Variants in LDLRAD4 observed in about 807,000 individuals in gnomAD.
The protein encoded by LDLRAD4 is low density lipoprotein receptor class A domain containing 4, also known as low-density lipoprotein receptor class A domain-containing protein 4.
In LDLRAD4, 5 loss-of-function variants were observed where a neutral mutation model predicts 17.0. The ratio of observed to expected loss-of-function variants is 0.29; its 90% confidence interval spans 0.15 to 0.62. The LOEUF (loss-of-function observed/expected upper bound fraction) is 0.62, where lower values mean the gene tolerates loss of function less well. Among genes scored for constraint, LDLRAD4 ranks in the 20% least tolerant of loss-of-function variants. The pLI, the probability that LDLRAD4 is intolerant of heterozygous loss-of-function variation, is 0.84. For synonymous variants in LDLRAD4, 168 were observed against 171.8 expected (o/e 0.98, Z 0.17); for missense variants, 340 against 424.7 (o/e 0.80, Z 1.75).
intron 1 of LDLRAD4, among the ~76,000 whole-genome samples, chr18:13,338,398 A>C (rs1355057043): frequency 7.5e-6 from 1 of 133,698 alleles, no homozygotes; most frequent in African/African-American, 3.0e-5. Context: ...GAGCTTCCTG[A>C]AACAGAGAGA....
intron 3 of LDLRAD4, among the ~76,000 whole-genome samples, chr18:13,499,857 T>C (rs2093583209): frequency 6.6e-6 from 1 of 152,204 alleles, no homozygotes; most frequent in Non-Finnish European, 1.5e-5. Flanking sequence ...ACCTCCACGC[T>C]CCCTTTCCGT....
intron 2 of LDLRAD4, among the ~76,000 whole-genome samples, chr18:13,391,299 G>C (rs138417979): frequency 6.6e-6 from 1 of 152,216 alleles, no homozygotes; most frequent in African/African-American, 2.4e-5. Flanking sequence ...GGCAGCACTC[G>C]GGCTGTGGGG....
At chr18:13,340,135 T>C (rs2082297968) in intron 1 of LDLRAD4, among the ~76,000 whole-genome samples, 1 of 152,232 alleles carries the variant, frequency 6.6e-6, no homozygotes, top group South Asian at 2.1e-4. Flanking sequence ...ACTCACTGTA[T>C]GTATATGCCA....
At chr18:13,638,065 A>T (rs1161637508) in intron 4 of LDLRAD4, among the ~76,000 whole-genome samples, 1 of 152,014 alleles carries the variant, frequency 6.6e-6, no homozygotes, top group Non-Finnish European at 1.5e-5. Context: ...CAAATAAGGG[A>T]ACTGAGGCTG....
chr18:13,263,788 G>A (rs2044055934), intron 1 of LDLRAD4, among the ~76,000 whole-genome samples: 1 of 152,204 alleles, frequency 6.6e-6, no homozygotes, highest in East Asian at 1.9e-4. Context: ...GTTAAAGTGA[G>A]GGAGTCGAGC....
At chr18:13,597,075 A>C (rs2095104694) in intron 3 of LDLRAD4, among the ~76,000 whole-genome samples, 1 of 152,168 alleles carries the variant, frequency 6.6e-6, no homozygotes, top group South Asian at 2.1e-4. Context: ...ACCTAAAGAA[A>C]TTCCTTTTGT....
intron 3 of LDLRAD4, chr18:13,472,517 C>T (rs1027558617): frequency 6.6e-6 from 1 of 152,266 alleles, no homozygotes; most frequent in African/African-American, 2.4e-5. Flanking sequence ...CCTGTCCAGG[C>T]TGGGTGCCAG....
intron 3 of LDLRAD4, among the ~76,000 whole-genome samples, chr18:13,554,268 AT>A (rs147193785): frequency 0.01 from 1,580 of 152,354 alleles, 28 homozygotes; most frequent in African/African-American, 0.036. Flanking sequence ...CAATATAAAA[AT>A]ATTTTAAGTT....
At chr18:13,272,201 C>T (rs2146136731) in intron 1 of LDLRAD4, among the ~76,000 whole-genome samples, 1 of 152,236 alleles carries the variant, frequency 6.6e-6, no homozygotes, top group South Asian at 2.1e-4. Context: ...GCCCTCAGTG[C>T]TGACTTTGAG....
rs367571092 is a variant in LDLRAD4, at chr18:13,450,337, C to CCCCCA, written c.181+11953_181+11954insCCCCA. Among the ~76,000 whole-genome samples, 229 of 115,546 alleles carry CCCCCA rather than the reference C, an allele frequency of 2.0e-3. 13 individuals carry two copies. The highest frequency in any genetic ancestry group is 2.8e-3 in the Non-Finnish European group (151 of 53,288). The allele number at this position is 115,546 out of a possible 152,430, so 75.8% of individuals were successfully genotyped here. ...GCTTCTCTCCCCCCACCCCCCCCCCCAAAAAAACACACAAGATCCCAAGAC... is the reference window on the plus strand; with the variant it reads ...GCTTCTCTCCCCCCACCCCCCCCCCCCCCCAAAAAAAACACACAAGATCCCAAGAC... On this transcript the variant is annotated intron_variant, in intron 3 of 5. Coordinates refer to ENST00000359446, the Ensembl canonical transcript of LDLRAD4.
In LDLRAD4 at chr18:13,292,645, A is replaced by G. The variant is rs150869052; in HGVS notation, c.-383+14457A>G. Among the ~76,000 whole-genome samples, 311 of 152,270 alleles carry G rather than the reference A, an allele frequency of 2.0e-3. 3 individuals carry two copies. The highest frequency in any genetic ancestry group is 0.015 in the South Asian group (74 of 4,824). On this transcript the variant is annotated intron_variant, in intron 1 of 5. Coordinates refer to ENST00000359446, the Ensembl canonical transcript of LDLRAD4. ...AGAAATTGAAGCATAAGGGAGCCCTAGGAGGGACTGAATACCATGAGGCGT... is the reference window on the plus strand; with the variant it reads ...AGAAATTGAAGCATAAGGGAGCCCTGGGAGGGACTGAATACCATGAGGCGT...
At chr18:13,250,150 C>T (rs1313859934) in intron 1 of LDLRAD4, among the ~76,000 whole-genome samples, 1 of 152,102 alleles carries the variant, frequency 6.6e-6, no homozygotes, top group African/African-American at 2.4e-5. Context: ...AATGTCTGTT[C>T]TCTCTATTCT....
chr18:13,468,272 A>G (rs1393339788), intron 3 of LDLRAD4, among the ~76,000 whole-genome samples: 1 of 152,184 alleles, frequency 6.6e-6, no homozygotes, highest in Non-Finnish European at 1.5e-5. Flanking sequence ...AGAATATATA[A>G]AGGACTGCAA....
intron 3 of LDLRAD4, among the ~76,000 whole-genome samples, chr18:13,450,330 C>CA: frequency 8.5e-6 from 1 of 117,826 alleles, no homozygotes; most frequent in Non-Finnish European, 1.9e-5. Context: ...CCCCCCACCC[C>CA]CCCCCCCAAA....
intron 1 of LDLRAD4, among the ~76,000 whole-genome samples, chr18:13,249,451 A>G (rs892245352): frequency 6.6e-6 from 1 of 152,176 alleles, no homozygotes; most frequent in Non-Finnish European, 1.5e-5. Flanking sequence ...CTGGGGTGAG[A>G]TGGTACCTCA....
chr18:13,567,189 C>T (rs9958575), intron 3 of LDLRAD4, among the ~76,000 whole-genome samples: 2 of 152,102 alleles, frequency 1.3e-5, no homozygotes, highest in African/African-American at 2.4e-5. Context: ...TTAACTATGA[C>T]GTGCATGTGC....
chr18:13,616,090 A>G (rs1283085796), intron 3 of LDLRAD4: 3 of 151,762 alleles, frequency 2.0e-5, no homozygotes, highest in African/African-American at 7.3e-5. Context: ...CTCCTCCCCA[A>G]CCCCTAAAAA....
At chr18:13,263,767 T>C (rs1195754493) in intron 1 of LDLRAD4, among the ~76,000 whole-genome samples, 2 of 152,122 alleles carry the variant, frequency 1.3e-5, no homozygotes, top group East Asian at 1.9e-4. Flanking sequence ...TGATTTTAAG[T>C]GTATGTTATG....
intron 3 of LDLRAD4, among the ~76,000 whole-genome samples, chr18:13,466,636 C>T (rs1243090855): frequency 2.0e-5 from 3 of 152,268 alleles, no homozygotes; most frequent in African/African-American, 7.2e-5. Context: ...GAAGGAACTT[C>T]TTCAACAAGA....
Sources: allele counts gnomAD v4.1 joint callset (sites outside exome capture counted in the v4.1 genomes callset), GRCh38; gene constraint gnomAD v4.1.1; transcripts MANE v1.5; gene names NCBI Gene and HGNC (gene_info 2026-07-23, HGNC 2026-07-21).